CHLSN: variants seen among roughly 807,000 people sequenced by gnomAD.
CHLSN encodes the protein cholesin.
At chr7:1,055,943 G>A in the CHLSN span, among the ~76,000 whole-genome samples, 1 of 152,220 alleles carries the variant, frequency 6.6e-6, no homozygotes, top group Non-Finnish European at 1.5e-5. Context: ...CTGCCACTCT[G>A]TGACAGCCAA....
chr7:1,003,408 T>C, the CHLSN span, among the ~76,000 whole-genome samples: 2 of 35,054 alleles, frequency 5.7e-5, no homozygotes, highest in Non-Finnish European at 5.4e-5. Flanking sequence ...TGGAGTCCTG[T>C]GGGTGGGGAG....
the CHLSN span, among the ~76,000 whole-genome samples, chr7:1,118,084 C>G: frequency 6.6e-6 from 1 of 152,152 alleles, no homozygotes; most frequent in Non-Finnish European, 1.5e-5. Flanking sequence ...CAACTGAGAC[C>G]AAAACAAGAA....
At chr7:1,110,761 G>A in the CHLSN span, among the ~76,000 whole-genome samples, 20 of 152,074 alleles carry the variant, frequency 1.3e-4, no homozygotes, top group Non-Finnish European at 2.4e-4. Context: ...CTTAGTTTAA[G>A]AAGTGTGTTT....
chr7:1,010,253 T>G, the CHLSN span: 2 of 1,001,102 alleles, frequency 2.0e-6, no homozygotes, highest in Non-Finnish European at 2.8e-6. Flanking sequence ...CCAAAAGCTC[T>G]GTCCCCAAGC....
chr7:985,801 C>T, the CHLSN span, among the ~76,000 whole-genome samples: 3 of 152,174 alleles, frequency 2.0e-5, no homozygotes, highest in African/African-American at 4.8e-5. Flanking sequence ...ATTTGATGTG[C>T]GTTTACCGAA....
the CHLSN span, among the ~76,000 whole-genome samples, chr7:1,104,495 C>G: frequency 2.0e-5 from 3 of 152,206 alleles, no homozygotes; most frequent in Non-Finnish European, 4.4e-5. Context: ...CCCTGACGCC[C>G]GCATGTCAGT....
At chr7:995,308 T>C in the CHLSN span, among the ~76,000 whole-genome samples, 1 of 152,190 alleles carries the variant, frequency 6.6e-6, no homozygotes, top group Non-Finnish European at 1.5e-5. Flanking sequence ...CTGAGGAGCT[T>C]GGCACCTTAC....
the CHLSN span, among the ~76,000 whole-genome samples, chr7:1,023,544 T>C: frequency 6.6e-6 from 1 of 151,040 alleles, no homozygotes; most frequent in Admixed American, 6.6e-5. This position sits in a 1 kb window ranked among gnomAD's most constrained non-coding sequence, Gnocchi z 5.0. Context: ...CTACTCCACA[T>C]TTCTCTCCAT....
At chr7:1,024,917 A>G in the CHLSN span, 1 of 152,400 alleles carries the variant, frequency 6.6e-6, no homozygotes, top group Middle Eastern at 3.4e-3. Flanking sequence ...TGGAGGACAG[A>G]AGGAGCAGGC....
At chr7:1,092,964 G>A in the CHLSN span, 1 of 1,083,206 alleles carries the variant, frequency 9.2e-7, no homozygotes, top group Non-Finnish European at 1.4e-6. Flanking sequence ...GTCAGATGTG[G>A]CTTCTGGCTC....
the CHLSN span, among the ~76,000 whole-genome samples, chr7:982,499 G>A: frequency 2.6e-5 from 4 of 152,222 alleles, no homozygotes; most frequent in African/African-American, 4.8e-5. Context: ...CGTAAACCCC[G>A]CCACCTGCCA....
the CHLSN span, among the ~76,000 whole-genome samples, chr7:1,021,049 G>GGCCTCCAGGTTGGGGACCTCCCAGCAGA: frequency 6.6e-6 from 1 of 151,622 alleles, no homozygotes; most frequent in Non-Finnish European, 1.5e-5. Context: ...CTCCCAGCAG[G>GGCCTCCAGGTTGGGGACCTCCCAGCAGA]GCCTCCAGGC....
chr7:1,023,429 T>C, the CHLSN span, among the ~76,000 whole-genome samples: 1 of 151,694 alleles, frequency 6.6e-6, no homozygotes, highest in Non-Finnish European at 1.5e-5. This position sits in a 1 kb window ranked among gnomAD's most constrained non-coding sequence, Gnocchi z 5.0. Context: ...ATGGACAGAC[T>C]CCCAGCCCCA....
At chr7:1,074,663 C>A in the CHLSN span, 1 of 152,300 alleles carries the variant, frequency 6.6e-6, no homozygotes, top group Non-Finnish European at 1.5e-5. Flanking sequence ...CTGCAAATCC[C>A]TAAGGCGTCT....
the CHLSN span, among the ~76,000 whole-genome samples, chr7:1,113,099 G>A: frequency 6.6e-6 from 1 of 152,138 alleles, no homozygotes; most frequent in South Asian, 2.1e-4. Flanking sequence ...AAACTGCAGG[G>A]CGCACACACA....
At chr7:1,093,404 A>C in the CHLSN span, 2 of 453,196 alleles carry the variant, frequency 4.4e-6, no homozygotes, top group Non-Finnish European at 9.3e-6. Flanking sequence ...GAAGGAAAAC[A>C]TGCTGCTCTG....
At chr7:1,071,479 C>T in the CHLSN span, among the ~76,000 whole-genome samples, 1 of 152,014 alleles carries the variant, frequency 6.6e-6, no homozygotes, top group Admixed American at 6.6e-5. Flanking sequence ...CTGGGGGGCT[C>T]CCACTGGCCA....
At chr7:1,051,229 T>A in the CHLSN span, among the ~76,000 whole-genome samples, 1 of 152,200 alleles carries the variant, frequency 6.6e-6, no homozygotes, top group Non-Finnish European at 1.5e-5. Context: ...CCATGAACAC[T>A]GTGTCCCAAC....
the CHLSN span, among the ~76,000 whole-genome samples, chr7:1,083,103 C>G: frequency 6.6e-6 from 1 of 152,096 alleles, no homozygotes. Context: ...ACCCTGCCCA[C>G]TCTTCTGTAA....
Sources: gnomAD v4.1 joint callset for allele counts (sites outside exome capture counted in the v4.1 genomes callset) on GRCh38, gnomAD v4.1.1 for gene constraint, Gnocchi (gnomAD v3.1) non-coding constraint, MANE v1.5 for transcripts, NCBI Gene and HGNC (gene_info 2026-07-23, HGNC 2026-07-21) for gene names.